The following MYO1E variants were observed in gnomAD, a reference collection of about 807,000 sequenced individuals.
The protein encoded by MYO1E is myosin IE, also known as unconventional myosin-Ie.
Under a neutral mutation model 151.1 loss-of-function variants are expected in MYO1E, and 68 were observed. The ratio of observed to expected loss-of-function variants is 0.45; its 90% CI spans 0.37 to 0.55. The LOEUF (loss-of-function observed/expected upper bound fraction) is 0.55, where lower values mean the gene tolerates loss of function less well. MYO1E is among the 20% of genes least tolerant of loss of function. The pLI is 0.00. For synonymous variants in MYO1E, 601 were observed against 501.7 expected (o/e 1.20, Z -2.64); for missense variants, 1,363 against 1,389.3 (o/e 0.98, Z 0.30).
At chr15:59,292,216 G>A (rs972755431) in intron 1 of MYO1E, among the ~76,000 whole-genome samples, 1 of 152,188 alleles carries the variant, frequency 6.6e-6, no homozygotes, top group Non-Finnish European at 1.5e-5. Flanking sequence ...AAAAATCTAT[G>A]ATAGTTTTAC....
chr15:59,191,370 A>AGAGAGAGAGAGAGAGAG (rs1491073271), intron 17 of MYO1E, among the ~76,000 whole-genome samples: 48 of 123,360 alleles, frequency 3.9e-4, no homozygotes, highest in African/African-American at 7.0e-4. Flanking sequence ...GAGAGAGAGA[A>AGAGAGAGAGAGAGAGAG]AGAAATGTCA....
intron 12 of MYO1E, among the ~76,000 whole-genome samples, chr15:59,211,631 T>G (rs900485507): frequency 1.3e-5 from 2 of 152,194 alleles, no homozygotes; most frequent in African/African-American, 4.8e-5. Flanking sequence ...TTAGAGGAAC[T>G]CTGATTCCAT....
intron 1 of MYO1E, among the ~76,000 whole-genome samples, chr15:59,313,721 A>G (rs2080567639): frequency 6.6e-6 from 1 of 152,228 alleles, no homozygotes; most frequent in Non-Finnish European, 1.5e-5. Context: ...TAAGTAAACT[A>G]GGACTCTGTG....
chr15:59,233,381 ATC>A (rs1472710830), intron 5 of MYO1E, among the ~76,000 whole-genome samples: 2 of 152,018 alleles, frequency 1.3e-5, no homozygotes, highest in Non-Finnish European at 2.9e-5. Context: ...AGAGTAGCCC[ATC>A]GGCCGGGCGC....
chr15:59,223,029 A>G (rs1013944455), intron 9 of MYO1E, 30 bp downstream of exon 9: 8 of 1,613,162 alleles, frequency 5.0e-6, no homozygotes, highest in Non-Finnish European at 6.8e-6. Context: ...GCCACCCCTC[A>G]TTCAATGGCC....
intron 3 of MYO1E, among the ~76,000 whole-genome samples, chr15:59,256,682 C>A (rs904039820): frequency 6.6e-6 from 1 of 152,098 alleles, no homozygotes; most frequent in Admixed American, 6.6e-5. Context: ...ACTCCAACAC[C>A]CCACCCTTCC....
intron 1 of MYO1E, 84 bp downstream of exon 1, chr15:59,372,414 C>A: frequency 6.7e-7 from 1 of 1,501,048 alleles, no homozygotes; most frequent in South Asian, 1.2e-5. Flanking sequence ...GCCCCGGCAG[C>A]GCGCCCAAGG....
chr15:59,367,434 T>C (rs1385534983), intron 1 of MYO1E, among the ~76,000 whole-genome samples: 1 of 152,070 alleles, frequency 6.6e-6, no homozygotes, highest in African/African-American at 2.4e-5. Context: ...GCATTTTCAG[T>C]GGAGGAAGGA....
At chr15:59,299,299 C>T (rs774685555) in intron 1 of MYO1E, among the ~76,000 whole-genome samples, 7 of 152,164 alleles carry the variant, frequency 4.6e-5, no homozygotes, top group Non-Finnish European at 8.8e-5. Context: ...TAGTGCCCTC[C>T]AAAATTCCTC....
intron 1 of MYO1E, among the ~76,000 whole-genome samples, chr15:59,364,803 G>A (rs1462076072): frequency 6.6e-6 from 1 of 151,998 alleles, no homozygotes; most frequent in Non-Finnish European, 1.5e-5. Flanking sequence ...TACTCAGGAG[G>A]TTGAGGCAGG....
At chr15:59,154,639 G>A (rs1201921242) in intron 25 of MYO1E, among the ~76,000 whole-genome samples, 1 of 152,144 alleles carries the variant, frequency 6.6e-6, no homozygotes, top group African/African-American at 2.4e-5. Flanking sequence ...TGGTACCAGT[G>A]GGATGACCCT....
chr15:59,292,082 C>T (rs1363455566), intron 1 of MYO1E, among the ~76,000 whole-genome samples: 3 of 152,080 alleles, frequency 2.0e-5, no homozygotes, highest in African/African-American at 4.8e-5. Flanking sequence ...GTAAGTAAAC[C>T]GTTCAGATCC....
chr15:59,193,058 C>T (rs1410960870), intron 17 of MYO1E, among the ~76,000 whole-genome samples: 1 of 66,792 alleles, frequency 1.5e-5, no homozygotes, highest in Non-Finnish European at 2.5e-5. Flanking sequence ...AGGTCAGCAC[C>T]GGGACACAGT....
chr15:59,258,437 G>A (rs1478313806), intron 3 of MYO1E, among the ~76,000 whole-genome samples: 2 of 152,270 alleles, frequency 1.3e-5, no homozygotes, highest in Admixed American at 6.5e-5. Flanking sequence ...TTTAGAATTT[G>A]CCTTATTTGA....
chr15:59,238,113 G>A (rs1276026261), intron 4 of MYO1E, among the ~76,000 whole-genome samples: 2 of 152,158 alleles, frequency 1.3e-5, no homozygotes, highest in Non-Finnish European at 2.9e-5. Context: ...CAGCAAGCCT[G>A]GGACGAGGTG....
At chr15:59,254,197 A>G (rs2080181412) in intron 4 of MYO1E, among the ~76,000 whole-genome samples, 1 of 152,056 alleles carries the variant, frequency 6.6e-6, no homozygotes, top group African/African-American at 2.4e-5. Context: ...TTTATTAAAA[A>G]AACAAAACAA....
intron 1 of MYO1E, among the ~76,000 whole-genome samples, chr15:59,314,963 A>G (rs2080577349): frequency 6.6e-6 from 1 of 152,012 alleles, no homozygotes; most frequent in South Asian, 2.1e-4. Context: ...TTTTCTAGAG[A>G]AGCTGGAAAT....
In MYO1E at chr15:59,266,166, T is replaced by G. The variant is rs1467091330; in HGVS notation, c.148-4657A>C. 1.1e-4 allele frequency among the ~76,000 whole-genome samples: 16 copies of G among 152,328 alleles called. No homozygotes were observed. In the South Asian group the frequency reaches 3.1e-3, roughly 30 times the overall value. ...ACCTTAGCTATTTTCCGGACACCTG[T>G]GCTCTCCTGCTGCTTTGGGAACTCC... On this transcript the variant is annotated intron_variant, in intron 2 of 27. Coordinates refer to ENST00000288235, the MANE Select transcript of MYO1E (RefSeq NM_004998.4).
intron 1 of MYO1E, among the ~76,000 whole-genome samples, chr15:59,274,880 C>T (rs2080309008): frequency 6.6e-6 from 1 of 152,184 alleles, no homozygotes; most frequent in African/African-American, 2.4e-5. Flanking sequence ...TCACTCGATA[C>T]TGAAGATTCC....
Sources: allele counts gnomAD v4.1 joint callset (sites outside exome capture counted in the v4.1 genomes callset), GRCh38; gene constraint gnomAD v4.1.1; transcripts MANE v1.5; gene names NCBI Gene and HGNC (gene_info 2026-07-23, HGNC 2026-07-21).